The following GREB1L variants were observed in gnomAD, a reference collection of about 807,000 sequenced individuals.
GREB1L encodes GREB1-like protein.
A neutral mutation model predicts 200.8 loss-of-function variants in GREB1L; 17 were observed. The ratio of observed to expected loss-of-function variants is 0.08; its 90% CI spans 0.06 to 0.13. GREB1L has a LOEUF of 0.13. Ranked by LOEUF, GREB1L falls within the 10% of genes least tolerant of loss-of-function variation. The probability of loss-of-function intolerance (pLI) is 1.00; values close to 1 mark genes in which losing one functional copy is unlikely to be tolerated. For missense variants in GREB1L, 1,657 were observed against 2,367.7 expected, an observed-to-expected ratio of 0.70 and a Z score of 6.23; for synonymous variants, 789 against 893.0, an observed-to-expected ratio of 0.88 and a Z score of 2.08.
intron 31 of GREB1L, among the ~76,000 whole-genome samples, chr18:21,518,902 A>T (rs1324193328): frequency 6.6e-6 from 1 of 152,212 alleles, no homozygotes; most frequent in African/African-American, 2.4e-5. Context: ...TTTTAAAATC[A>T]TAAGAAAGTA....
intron 7 of GREB1L, among the ~76,000 whole-genome samples, chr18:21,417,980 CAAA>C (rs370649676): frequency 5.0e-5 from 4 of 80,250 alleles, no homozygotes; most frequent in Admixed American, 1.4e-4. Flanking sequence ...GACTCCATCT[CAAA>C]AAAAAAAAAA....
chr18:21,405,312 A>C, intron 7 of GREB1L, among the ~76,000 whole-genome samples: 1 of 152,240 alleles, frequency 6.6e-6, no homozygotes, highest in East Asian at 1.9e-4. Flanking sequence ...TGTCTCTCTT[A>C]GAATATCATT....
chr18:21,389,744 A>G (rs938228791), intron 4 of GREB1L, among the ~76,000 whole-genome samples: 6 of 152,218 alleles, frequency 3.9e-5, no homozygotes, highest in African/African-American at 1.2e-4. Context: ...CAGAAATGTC[A>G]GTCTGTGAGC....
intron 7 of GREB1L, among the ~76,000 whole-genome samples, chr18:21,429,062 T>C (rs72882810): frequency 0.11 from 17,047 of 151,770 alleles, 1,222 homozygotes; most frequent in South Asian, 0.26. Context: ...GCTAGTATTT[T>C]GTTGAGCATT....
At chr18:21,430,008 G>C (rs1468306919) in intron 7 of GREB1L, among the ~76,000 whole-genome samples, 1 of 152,110 alleles carries the variant, frequency 6.6e-6, no homozygotes, top group Non-Finnish European at 1.5e-5. Flanking sequence ...TCTTCTTGCT[G>C]TGTCCTCACG....
intron 1 of GREB1L, among the ~76,000 whole-genome samples, chr18:21,328,277 A>G (rs2039055222): frequency 6.6e-6 from 1 of 152,140 alleles, no homozygotes; most frequent in African/African-American, 2.4e-5. Flanking sequence ...ACTTCTGGAT[A>G]GTGTAGTCTT....
At chr18:21,344,197 C>T (rs1459948893) in intron 1 of GREB1L, among the ~76,000 whole-genome samples, 1 of 152,122 alleles carries the variant, frequency 6.6e-6, no homozygotes, top group Non-Finnish European at 1.5e-5. Context: ...GTCAGGATAT[C>T]GAGACCATCC....
At chr18:21,280,356 C>T (rs1351362608) in intron 1 of GREB1L, among the ~76,000 whole-genome samples, 1 of 151,770 alleles carries the variant, frequency 6.6e-6, no homozygotes, top group Non-Finnish European at 1.5e-5. Flanking sequence ...TAAGGTTCTA[C>T]CATGTCTTTT....
chr18:21,521,830 T>TC (rs558207804), intron 32 of GREB1L, among the ~76,000 whole-genome samples: 225 of 151,544 alleles, frequency 1.5e-3, no homozygotes, highest in African/African-American at 5.3e-3. Flanking sequence ...ACTGTGAAAC[T>TC]CCGTCTCTAC....
chr18:21,416,709 A>T (rs1388497206), intron 7 of GREB1L, among the ~76,000 whole-genome samples: 3 of 151,378 alleles, frequency 2.0e-5, no homozygotes, highest in Non-Finnish European at 4.4e-5. Flanking sequence ...AAAAAAAAAA[A>T]ACTACACCAA....
chr18:21,382,692 T>C (rs2040372170), intron 2 of GREB1L, among the ~76,000 whole-genome samples: 1 of 151,996 alleles, frequency 6.6e-6, no homozygotes, highest in Non-Finnish European at 1.5e-5. Flanking sequence ...GGTTTCACCA[T>C]GTTAGCCAGG....
chr18:21,418,507 A>T (rs1232893773), intron 7 of GREB1L, among the ~76,000 whole-genome samples: 3 of 151,644 alleles, frequency 2.0e-5, no homozygotes, highest in Non-Finnish European at 2.9e-5. Context: ...ATTGTTTTTT[A>T]AAAAAATATT....
intron 1 of GREB1L, among the ~76,000 whole-genome samples, chr18:21,280,072 C>A (rs1338335574): frequency 6.6e-6 from 1 of 152,112 alleles, no homozygotes; most frequent in Non-Finnish European, 1.5e-5. Context: ...TTAGGGTTCA[C>A]TCTTTGTGTT....
Position 21,443,683 on chromosome 18 carries a change from G to A in GREB1L, c.1208-541G>A, listed in dbSNP as rs74995004. Among the ~76,000 whole-genome samples the A allele has an allele frequency of 5.5e-4, 84 of 152,288 alleles. 1 individual carries two copies. The East Asian group carries it at 0.014, about 26-fold the overall frequency. On this transcript the variant is annotated intron_variant, in intron 10 of 32. Transcript: ENST00000424526. ...TCCATGAGAAACAGAGATAATATGA[G>A]TACAGTTGTCCCTTAGTATCCCTGG...
intron 1 of GREB1L, among the ~76,000 whole-genome samples, chr18:21,344,434 A>C (rs2039315037): frequency 6.6e-6 from 1 of 151,992 alleles, no homozygotes; most frequent in Non-Finnish European, 1.5e-5. Context: ...CAACAACAAC[A>C]ACTGCTTGAT....
chr18:21,440,421 T>C, intron 9 of GREB1L, 33 bp downstream of exon 9: 1 of 1,538,612 alleles, frequency 6.5e-7, no homozygotes, highest in Non-Finnish European at 8.8e-7. Context: ...ATTGTAAGTG[T>C]GTTTTTAATT....
chr18:21,482,227 A>T (rs1392485054), intron 17 of GREB1L, among the ~76,000 whole-genome samples: 2 of 152,140 alleles, frequency 1.3e-5, no homozygotes, highest in Non-Finnish European at 2.9e-5. Flanking sequence ...CGTTCCCTTT[A>T]GTTGGAAAAA....
At chr18:21,412,336 C>CT (rs1299729254) in intron 7 of GREB1L, among the ~76,000 whole-genome samples, 9 of 152,050 alleles carry the variant, frequency 5.9e-5, no homozygotes, top group African/African-American at 2.2e-4. Context: ...TCTCTTGAGC[C>CT]TGGGAGGTCA....
At chr18:21,489,727 T>C in intron 18 of GREB1L, among the ~76,000 whole-genome samples, 1 of 152,206 alleles carries the variant, frequency 6.6e-6, no homozygotes, top group Non-Finnish European at 1.5e-5. Flanking sequence ...CAGGTGCTGC[T>C]GCTGCTGGTG....
Sources: allele counts gnomAD v4.1 joint callset (sites outside exome capture counted in the v4.1 genomes callset), GRCh38; gene constraint gnomAD v4.1.1; transcripts MANE v1.5; gene names NCBI Gene and HGNC (gene_info 2026-07-23, HGNC 2026-07-21).